Variants in DGKB observed in about 807,000 individuals in gnomAD.
The protein encoded by DGKB is 90 kDa diacylglycerol kinase.
A neutral mutation model predicts 114.3 loss-of-function variants in DGKB; 67 were observed. The ratio of observed to expected loss-of-function variants is 0.59; its 90% CI spans 0.48 to 0.72. DGKB has a LOEUF of 0.72. DGKB is among the 30% of genes least tolerant of loss of function. The pLI, the probability that DGKB is intolerant of heterozygous loss-of-function variation, is 0.00. For synonymous variants in DGKB, 398 were observed against 323.1 expected (o/e 1.23, Z -2.49); for missense variants, 907 against 975.2 (o/e 0.93, Z 0.93).
intron 25 of DGKB, among the ~76,000 whole-genome samples, chr7:14,149,838 A>G (rs1050021010): frequency 1.3e-5 from 2 of 152,188 alleles, no homozygotes; most frequent in Non-Finnish European, 2.9e-5. Context: ...TTGGTAATAT[A>G]ATAGAATCAA....
intron 23 of DGKB, among the ~76,000 whole-genome samples, chr7:14,334,395 TGCGCGC>T (rs10599612): frequency 5.6e-5 from 5 of 89,078 alleles, no homozygotes; most frequent in East Asian, 2.7e-4. Context: ...TGTGTGTGTG[TGCGCGC>T]GCGTGTATGT....
rs992719952 is a variant in DGKB, at chr7:14,520,427, A to C, written c.1771-42202T>G. ...TTTAAGGTATAAACTTAGGTTACTA[A>C]GGCCTTTTTTTCTCTTCTACTACAG... On this transcript the variant is annotated intron_variant, in intron 20 of 25. Transcript: ENST00000402815. Among the ~76,000 whole-genome samples the C allele has an allele frequency of 4.6e-5, 7 of 151,748 alleles. No homozygotes were observed. The East Asian group carries it at 1.4e-3, about 29-fold the overall frequency.
chr7:14,528,041 A>T (rs972874880), intron 20 of DGKB, among the ~76,000 whole-genome samples: 1 of 152,126 alleles, frequency 6.6e-6, no homozygotes, highest in African/African-American at 2.4e-5. Flanking sequence ...AAAGTGAAAT[A>T]AATACCTTAG....
chr7:14,636,046 G>A (rs1396241307), intron 13 of DGKB, among the ~76,000 whole-genome samples: 2 of 151,582 alleles, frequency 1.3e-5, no homozygotes, highest in East Asian at 1.9e-4. Context: ...GGTTATAATG[G>A]AATTTGTTCT....
intron 23 of DGKB, among the ~76,000 whole-genome samples, chr7:14,331,124 C>T (rs1450867383): frequency 6.6e-6 from 1 of 151,830 alleles, no homozygotes; most frequent in Non-Finnish European, 1.5e-5. Context: ...TAAAAAATTT[C>T]AAAGGAGGCA....
chr7:14,384,341 T>A (rs1239198224), intron 21 of DGKB, among the ~76,000 whole-genome samples: 1 of 152,230 alleles, frequency 6.6e-6, no homozygotes, highest in African/African-American at 2.4e-5. Context: ...TTGTCTTGAC[T>A]TCCTTTTTTG....
At chr7:14,581,060 C>A in intron 18 of DGKB, 109 bp from the exon 19 acceptor site, 1 of 582,130 alleles carries the variant, frequency 1.7e-6, no homozygotes, top group Non-Finnish European at 2.9e-6. Flanking sequence ...AATAGGTACT[C>A]ATAAACAAAA....
intron 20 of DGKB, among the ~76,000 whole-genome samples, chr7:14,514,536 T>A (rs760747439): frequency 1.3e-5 from 2 of 152,196 alleles, no homozygotes; most frequent in East Asian, 3.8e-4. Context: ...CAGATTTGAA[T>A]ATATAATTTA....
chr7:14,249,800 T>A (rs1016212686), intron 23 of DGKB, among the ~76,000 whole-genome samples: 1 of 152,130 alleles, frequency 6.6e-6, no homozygotes, highest in Non-Finnish European at 1.5e-5. Context: ...CATCACTTTT[T>A]AAAATCATTT....
At chr7:14,973,603 GAT>G (rs1317020121) in intron 1 of DGKB, among the ~76,000 whole-genome samples, 7 of 145,296 alleles carry the variant, frequency 4.8e-5, no homozygotes, top group Non-Finnish European at 1.1e-4. Flanking sequence ...CTTCACCAAA[GAT>G]ATTTCTGTTT....
chr7:14,265,572 G>T (rs1187085941), intron 23 of DGKB, among the ~76,000 whole-genome samples: 1 of 151,798 alleles, frequency 6.6e-6, no homozygotes, highest in Non-Finnish European at 1.5e-5. Context: ...CTCTAAGACC[G>T]AGTTAGATGA....
At chr7:14,811,468 T>C (rs571155328) in intron 2 of DGKB, among the ~76,000 whole-genome samples, 1 of 152,276 alleles carries the variant, frequency 6.6e-6, no homozygotes, top group South Asian at 2.1e-4. Flanking sequence ...CTTTTAAACA[T>C]TGGCTTTTCT....
chr7:14,772,244 C>G (rs1339059289), intron 2 of DGKB, among the ~76,000 whole-genome samples: 1 of 152,136 alleles, frequency 6.6e-6, no homozygotes, highest in African/African-American at 2.4e-5. Flanking sequence ...TAGAATAAAT[C>G]TCTTAAAACA....
At chr7:14,929,774 T>C (rs1784913017) in intron 1 of DGKB, among the ~76,000 whole-genome samples, 1 of 152,138 alleles carries the variant, frequency 6.6e-6, no homozygotes, top group Non-Finnish European at 1.5e-5. Context: ...AATTTTGAGG[T>C]CTTAGTTATG....
chr7:14,522,036 C>T (rs1380222726), intron 20 of DGKB, among the ~76,000 whole-genome samples: 1 of 152,008 alleles, frequency 6.6e-6, no homozygotes, highest in Middle Eastern at 3.2e-3. Flanking sequence ...TATTTTTAAG[C>T]TTTGCGTCCT....
chr7:14,895,779 A>G (rs1044755434), intron 1 of DGKB, among the ~76,000 whole-genome samples: 3 of 151,636 alleles, frequency 2.0e-5, no homozygotes, highest in Admixed American at 6.6e-5. Context: ...TGAATCTTAG[A>G]CTTCCCAGAA....
intron 4 of DGKB, among the ~76,000 whole-genome samples, chr7:14,738,100 G>A (rs1202282764): frequency 6.6e-6 from 1 of 152,182 alleles, no homozygotes; most frequent in Non-Finnish European, 1.5e-5. Context: ...TAGTTTCCTT[G>A]AAAAGGAACA....
intron 15 of DGKB, among the ~76,000 whole-genome samples, chr7:14,620,969 C>A (rs1807525576): frequency 6.6e-6 from 1 of 151,514 alleles, no homozygotes; most frequent in Non-Finnish European, 1.5e-5. Flanking sequence ...ATTCAGAGTT[C>A]ATTTTCTTCT....
chr7:14,827,707 G>C (rs751276103), intron 2 of DGKB, among the ~76,000 whole-genome samples: 1 of 152,018 alleles, frequency 6.6e-6, no homozygotes, highest in Admixed American at 6.6e-5. Flanking sequence ...GGAGAAGAAA[G>C]ACTTATGGGG....
Sources: allele counts gnomAD v4.1 joint callset (sites outside exome capture counted in the v4.1 genomes callset), GRCh38; gene constraint gnomAD v4.1.1; transcripts MANE v1.5; gene names NCBI Gene and HGNC (gene_info 2026-07-23, HGNC 2026-07-21).